OSBPL10: variants seen among roughly 807,000 people sequenced by gnomAD.
OSBPL10 encodes oxysterol-binding protein-related protein 10.
In OSBPL10, 49 loss-of-function variants were observed where a neutral mutation model predicts 81.7. The observed-to-expected ratio is 0.60, with a 90% CI of 0.48 to 0.76. The LOEUF (loss-of-function observed/expected upper bound fraction) is 0.76. Ranked by LOEUF, OSBPL10 falls within the 30% of genes least tolerant of loss-of-function variation. The pLI is 0.00. For missense variants in OSBPL10, 923 were observed against 987.8 expected, an observed-to-expected ratio of 0.93 and a Z score of 0.88; for synonymous variants, 419 against 383.6, an observed-to-expected ratio of 1.09 and a Z score of -1.08.
At chr3:31,784,125 G>A (rs961679771) in intron 4 of OSBPL10, among the ~76,000 whole-genome samples, 1 of 151,460 alleles carries the variant, frequency 6.6e-6, no homozygotes, top group Admixed American at 6.6e-5. Context: ...GATCACTTGA[G>A]GTCAGGAGTT....
intron 8 of OSBPL10, among the ~76,000 whole-genome samples, chr3:31,679,769 C>A (rs1461772545): frequency 1.3e-5 from 2 of 152,112 alleles, no homozygotes; most frequent in African/African-American, 4.8e-5. Flanking sequence ...CCAATATAAA[C>A]CTCATAGCAC....
intron 3 of OSBPL10, among the ~76,000 whole-genome samples, chr3:31,870,537 A>C (rs1426990885): frequency 6.6e-6 from 1 of 152,272 alleles, no homozygotes; most frequent in Non-Finnish European, 1.5e-5. Flanking sequence ...CTCCACCTGC[A>C]GCCCCGGTGC....
In OSBPL10 at chr3:32,019,881, T is replaced by C. The variant is rs567443120; in HGVS notation, n.298+26610A>G. Among the ~76,000 whole-genome samples the C allele has an allele frequency of 3.9e-5, 6 of 152,310 alleles. No homozygotes were observed. In the South Asian group the frequency reaches 1.0e-3, roughly 26 times the overall value. On this transcript the variant is annotated intron_variant and non_coding_transcript_variant, in intron 2 of 3. Transcript: ENST00000479173. ...TTTATTTCTACTACACTGGAACATA[T>C]AAAGTATAACTATCAATCTTTGACT...
At chr3:31,981,337 G>T (rs1032047879), upstream of OSBPL10, 14 of 1,216,730 alleles carry the variant, frequency 1.2e-5, no homozygotes, top group African/African-American at 2.1e-4. This position sits in a 1 kb window ranked among gnomAD's most constrained non-coding sequence, Gnocchi z 4.5. Flanking sequence ...AGGAGGAGGC[G>T]AAGGAGAGCT....
chr3:32,075,372 C>T (rs931702342), intron 1 of OSBPL10, among the ~76,000 whole-genome samples: 1 of 152,120 alleles, frequency 6.6e-6, no homozygotes, highest in Admixed American at 6.5e-5. Context: ...ACTCACCAAC[C>T]AAGCAAACAA....
At chr3:31,717,996 T>C (rs1696507444) in intron 6 of OSBPL10, 1 of 152,182 alleles carries the variant, frequency 6.6e-6, no homozygotes, top group African/African-American at 2.4e-5. Flanking sequence ...GGGATTCTTA[T>C]ATTAAGCACA....
At chr3:32,068,939 G>C (rs140978299) in intron 1 of OSBPL10, among the ~76,000 whole-genome samples, 3,460 of 151,818 alleles carry the variant, frequency 0.023, 138 homozygotes, top group African/African-American at 0.079. Flanking sequence ...TCCAACTCTT[G>C]TTCAGCCCCT....
intron 2 of OSBPL10, among the ~76,000 whole-genome samples, chr3:32,028,766 A>C (rs1699438859): frequency 6.6e-6 from 1 of 152,076 alleles, no homozygotes; most frequent in African/African-American, 2.4e-5. Flanking sequence ...TCTATGGCTA[A>C]GAAATCTGCC....
chr3:31,911,673 T>C (rs1043578050), intron 1 of OSBPL10, among the ~76,000 whole-genome samples: 2 of 152,178 alleles, frequency 1.3e-5, no homozygotes, highest in African/African-American at 4.8e-5. Flanking sequence ...AAATTTGTTT[T>C]GGGCTGCATT....
chr3:31,770,982 A>C (rs1390772345), intron 4 of OSBPL10, among the ~76,000 whole-genome samples: 1 of 152,140 alleles, frequency 6.6e-6, no homozygotes, highest in Non-Finnish European at 1.5e-5. Context: ...TATTAACTGT[A>C]ATCTTGGGCA....
At chr3:31,682,678 A>G (rs1266534111) in intron 8 of OSBPL10, among the ~76,000 whole-genome samples, 2 of 152,178 alleles carry the variant, frequency 1.3e-5, no homozygotes, top group African/African-American at 4.8e-5. Flanking sequence ...TACAACACTT[A>G]CCATTCTTCA....
At chr3:31,836,124 T>C (rs1700353695) in intron 3 of OSBPL10, among the ~76,000 whole-genome samples, 1 of 152,244 alleles carries the variant, frequency 6.6e-6, no homozygotes, top group African/African-American at 2.4e-5. Context: ...TTTTCAAATT[T>C]GTTCCAGCTC....
chr3:31,712,149 T>C (rs1032465098), intron 6 of OSBPL10, among the ~76,000 whole-genome samples: 3 of 152,218 alleles, frequency 2.0e-5, no homozygotes, highest in African/African-American at 7.2e-5. Flanking sequence ...ATAATAGGAC[T>C]CATTCCCTTG....
intron 3 of OSBPL10, among the ~76,000 whole-genome samples, chr3:31,872,443 TTTGTTG>T (rs1180701374): frequency 1.5e-4 from 22 of 143,388 alleles, no homozygotes; most frequent in Admixed American, 1.2e-3. Context: ...GTGTTTTGTT[TTTGTTG>T]TTGTTTTTTT....
chr3:31,992,743 C>T (rs1699047818), intron 2 of OSBPL10, among the ~76,000 whole-genome samples: 1 of 152,220 alleles, frequency 6.6e-6, no homozygotes. Context: ...CCTGTAATCC[C>T]AGCACTTTGG....
rs557924753 is a variant in OSBPL10, at chr3:31,867,005, C to T, written c.537+9428G>A. The stretch of plus-strand genomic sequence containing the variant: ...TCATATTCCTCCATGACCAAATTTG[C>T]ATAAGACTTTATCCTAAAATTTGTA... On this transcript the variant is annotated intron_variant, in intron 3 of 11. Coordinates refer to ENST00000396556, the MANE Select transcript of OSBPL10 (RefSeq NM_017784.5). 5.3e-5 allele frequency among the ~76,000 whole-genome samples: 8 copies of T among 152,272 alleles called. No individual in the cohort carries two copies. The South Asian group carries it at 1.5e-3, about 28-fold the overall frequency.
chr3:31,692,688 T>A (rs1368745828), intron 7 of OSBPL10, among the ~76,000 whole-genome samples: 1 of 152,228 alleles, frequency 6.6e-6, no homozygotes, highest in South Asian at 2.1e-4. Context: ...TGCTTGGGTT[T>A]CACACTCATT....
At chr3:31,834,038 CA>C (rs978975042) in intron 3 of OSBPL10, among the ~76,000 whole-genome samples, 1 of 151,876 alleles carries the variant, frequency 6.6e-6, no homozygotes, top group Non-Finnish European at 1.5e-5. Flanking sequence ...TAAACATGAG[CA>C]AAAAAGTCTT....
chr3:31,663,253 T>G, intron 11 of OSBPL10: 2 of 982,734 alleles, frequency 2.0e-6, no homozygotes. Flanking sequence ...AAATATGAGA[T>G]TTCTCATAAA....
Sources: allele counts gnomAD v4.1 joint callset (sites outside exome capture counted in the v4.1 genomes callset), GRCh38; gene constraint gnomAD v4.1.1; non-coding constraint Gnocchi (gnomAD v3.1); transcripts MANE v1.5; gene names NCBI Gene and HGNC (gene_info 2026-07-23, HGNC 2026-07-21).